Variants in RALYL observed in about 807,000 individuals in gnomAD.
RALYL encodes the protein RALY RNA binding protein like.
In RALYL, 29 loss-of-function variants were observed where a neutral mutation model predicts 35.1. The observed-to-expected ratio is 0.83, with a 90% CI of 0.61 to 1.13. The LOEUF (loss-of-function observed/expected upper bound fraction) is 1.13, where lower values mean the gene tolerates loss of function less well. RALYL is among the 50% of genes most tolerant of loss of function. RALYL has a pLI of 0.00. For synonymous variants in RALYL, 120 were observed against 127.6 expected (o/e 0.94, Z 0.40); for missense variants, 359 against 360.4 (o/e 1.00, Z 0.03).
At chr8:84,802,742 T>C (rs971900392) in intron 3 of RALYL, among the ~76,000 whole-genome samples, 4 of 152,140 alleles carry the variant, frequency 2.6e-5, no homozygotes, top group Non-Finnish European at 4.4e-5. Context: ...CACCCTAAAG[T>C]GGTGCAATGC....
At chr8:84,748,590 G>T (rs945541353) in intron 2 of RALYL, among the ~76,000 whole-genome samples, 1 of 152,008 alleles carries the variant, frequency 6.6e-6, no homozygotes, top group Admixed American at 6.6e-5. Context: ...AAAAGATGAA[G>T]CTAACAGTAA....
rs192623869 is a variant in RALYL at position 84,438,524 on chromosome 8, G to C, written c.-23-90775G>C. 3.3e-5 allele frequency among the ~76,000 whole-genome samples: 5 copies of C among 152,138 alleles called. No individual in the cohort carries two copies. The East Asian group carries it at 7.8e-4, about 24-fold the overall frequency. ...CTGCCTCAGCCTCATAATTAGATGG[G>C]ACTACAGGCATAGGCCATCTCAATA... On this transcript the variant is annotated intron_variant, in intron 1 of 8. Coordinates refer to ENST00000521268, the MANE Select transcript of RALYL (RefSeq NM_173848.7).
At chr8:84,368,371 T>C (rs1586649279) in intron 1 of RALYL, among the ~76,000 whole-genome samples, 1 of 152,138 alleles carries the variant, frequency 6.6e-6, no homozygotes, top group Non-Finnish European at 1.5e-5. Flanking sequence ...CAAAATTATA[T>C]CTAAAATGCT....
At chr8:84,197,716 G>A (rs1238731713) in intron 1 of RALYL, among the ~76,000 whole-genome samples, 1 of 150,402 alleles carries the variant, frequency 6.6e-6, no homozygotes, top group African/African-American at 2.5e-5. Flanking sequence ...GATAGCTTGA[G>A]CCCAGGAGTT....
At chr8:84,374,541 A>C (rs966256037) in intron 1 of RALYL, among the ~76,000 whole-genome samples, 1 of 152,008 alleles carries the variant, frequency 6.6e-6, no homozygotes, top group Non-Finnish European at 1.5e-5. Flanking sequence ...CTATGCAGCC[A>C]TAAAAATAAA....
At chr8:84,871,455 TATAAG>T (rs1354934231) in intron 6 of RALYL, among the ~76,000 whole-genome samples, 3 of 152,220 alleles carry the variant, frequency 2.0e-5, no homozygotes, top group African/African-American at 2.4e-5. Flanking sequence ...AATCTAATGT[TATAAG>T]ATAAAATATT....
chr8:84,346,432 G>T (rs958785247), intron 1 of RALYL, among the ~76,000 whole-genome samples: 6 of 152,076 alleles, frequency 3.9e-5, no homozygotes, highest in African/African-American at 4.8e-5. Flanking sequence ...TTAACAAATG[G>T]TTATGCTAGT....
chr8:84,475,694 GA>G (rs1246276071), intron 1 of RALYL, among the ~76,000 whole-genome samples: 1 of 151,634 alleles, frequency 6.6e-6, no homozygotes, highest in Admixed American at 6.6e-5. Context: ...TTTGGTAAAA[GA>G]AAAAAAAGGC....
At chr8:84,474,284 T>C (rs972101333) in intron 1 of RALYL, among the ~76,000 whole-genome samples, 7 of 152,290 alleles carry the variant, frequency 4.6e-5, no homozygotes, top group African/African-American at 1.7e-4. Context: ...TTCCACTTGA[T>C]TAGTTTCATA....
In RALYL at chr8:84,306,836, GGTTCT is replaced by G. The variant is rs1415913156; in HGVS notation, c.-24+122415_-24+122419del. Among the ~76,000 whole-genome samples the G allele has an allele frequency of 5.3e-5, 8 of 152,244 alleles. No individual in the cohort carries two copies. In the East Asian group the frequency reaches 1.5e-3, roughly 29 times the overall value. On this transcript the variant is annotated intron_variant, in intron 1 of 8. Coordinates refer to ENST00000521268, the MANE Select transcript of RALYL (RefSeq NM_173848.7). ...TGAAGAGGTCAAGTTGAATTGCTAG[GGTTCT>G]GTATCCTGGTGTTTAGATCAGGATT... is the stretch of plus-strand genomic sequence containing the variant.
chr8:84,419,251 A>G (rs182907042), intron 1 of RALYL, among the ~76,000 whole-genome samples: 106 of 152,194 alleles, frequency 7.0e-4, no homozygotes, highest in African/African-American at 1.2e-3. Context: ...CTTGTTCACC[A>G]TAATTTATGA....
chr8:84,616,958 T>C (rs1819869740), intron 2 of RALYL, among the ~76,000 whole-genome samples: 1 of 150,126 alleles, frequency 6.7e-6, no homozygotes, highest in African/African-American at 2.5e-5. Flanking sequence ...TATATCTCTG[T>C]TTTGGTACCA....
At chr8:84,661,109 T>C (rs1041340404) in intron 2 of RALYL, among the ~76,000 whole-genome samples, 2 of 151,978 alleles carry the variant, frequency 1.3e-5, no homozygotes, top group African/African-American at 4.8e-5. Context: ...TTTGTATTTT[T>C]AGTAGAGACG....
At chr8:84,282,547 G>A (rs375930472) in intron 1 of RALYL, among the ~76,000 whole-genome samples, 1 of 151,918 alleles carries the variant, frequency 6.6e-6, no homozygotes, top group Non-Finnish European at 1.5e-5. Context: ...TAATTTTAAG[G>A]CTCTTTCTTT....
Position 84,184,875 on chromosome 8 carries a change from G to C in RALYL, c.-24+451G>C, listed in dbSNP as rs563596662. 1.0e-4 allele frequency: 123 copies of C among 1,182,456 alleles called. No individual in the cohort carries two copies. The African/African-American group carries it at 1.6e-3, about 16-fold the overall frequency. 73.2% of individuals were successfully genotyped at this position (1,182,456 alleles called of 1,614,324 possible). A position where few individuals can be genotyped will look rare whatever the true frequency, so the allele number is the denominator to read the frequency against. On this transcript the variant is annotated intron_variant, in intron 1 of 8. Coordinates refer to ENST00000521268, the MANE Select transcript of RALYL (RefSeq NM_173848.7). ...GCACCCGGGAGATGGGGGTAGAAGCGGCAGAGACCGCATATTCCGGAGGGG... is the reference window on the plus strand; with the variant it reads ...GCACCCGGGAGATGGGGGTAGAAGCCGCAGAGACCGCATATTCCGGAGGGG...
At chr8:84,343,764 G>A (rs533821481) in intron 1 of RALYL, among the ~76,000 whole-genome samples, 1 of 151,838 alleles carries the variant, frequency 6.6e-6, no homozygotes, top group East Asian at 1.9e-4. Flanking sequence ...CAAGTAGCTG[G>A]GACTATCAGC....
chr8:84,626,536 C>T (rs867226235), intron 2 of RALYL, among the ~76,000 whole-genome samples: 6 of 152,268 alleles, frequency 3.9e-5, no homozygotes, highest in Middle Eastern at 6.8e-3. Context: ...AATTTAGGTT[C>T]TCTTTGACAA....
chr8:84,741,212 T>C (rs1443407180), intron 2 of RALYL, among the ~76,000 whole-genome samples: 1 of 151,870 alleles, frequency 6.6e-6, no homozygotes, highest in Non-Finnish European at 1.5e-5. Context: ...TTGGAGTAGA[T>C]GAAAAGGAAG....
At chr8:84,580,912 G>A (rs541554543) in intron 2 of RALYL, among the ~76,000 whole-genome samples, 1 of 152,222 alleles carries the variant, frequency 6.6e-6, no homozygotes, top group Admixed American at 6.5e-5. Flanking sequence ...AAGTCTTGTT[G>A]GCTGGGAATG....
Sources: allele counts gnomAD v4.1 joint callset (sites outside exome capture counted in the v4.1 genomes callset), GRCh38; gene constraint gnomAD v4.1.1; transcripts MANE v1.5; gene names NCBI Gene and HGNC (gene_info 2026-07-23, HGNC 2026-07-21).